The following DEPDC1B variants were observed in gnomAD, a reference collection of about 807,000 sequenced individuals.
The protein encoded by DEPDC1B is DEP domain containing 1B, also known as DEP domain-containing protein 1B.
Under a neutral mutation model 66.5 loss-of-function variants are expected in DEPDC1B, and 51 were observed. That is an observed-to-expected ratio of 0.77 (90% CI 0.61 to 0.97). DEPDC1B has a LOEUF of 0.97. Among genes scored for constraint, DEPDC1B ranks in the 50% least tolerant of loss-of-function variants. The probability of loss-of-function intolerance (pLI) is 0.00; values close to 1 mark genes in which losing one functional copy is unlikely to be tolerated. For missense variants in DEPDC1B, 552 were observed against 637.1 expected (o/e 0.87, Z 1.44); for synonymous variants, 226 against 223.6 (o/e 1.01, Z -0.10).
intron 2 of DEPDC1B, among the ~76,000 whole-genome samples, chr5:60,674,174 A>C (rs1225849428): frequency 6.6e-6 from 1 of 152,220 alleles, no homozygotes; most frequent in Non-Finnish European, 1.5e-5. Flanking sequence ...GTTTAAAACA[A>C]ATAAATATAA....
chr5:60,676,116 A>G (rs866034994), intron 2 of DEPDC1B, among the ~76,000 whole-genome samples: 12 of 151,322 alleles, frequency 7.9e-5, no homozygotes, highest in African/African-American at 2.7e-4. Flanking sequence ...ATTTTTAGTA[A>G]AGACGGGATT....
At chr5:60,676,238 T>TTC (rs1754157644) in intron 2 of DEPDC1B, among the ~76,000 whole-genome samples, 2 of 151,984 alleles carry the variant, frequency 1.3e-5, no homozygotes. Flanking sequence ...CCTTTTTTTT[T>TTC]TTTTTCTTCT....
At chr5:60,629,676 C>T (rs750352738) in intron 7 of DEPDC1B, among the ~76,000 whole-genome samples, 46 of 152,288 alleles carry the variant, frequency 3.0e-4, no homozygotes, top group African/African-American at 5.3e-4. Flanking sequence ...AACATCTATT[C>T]AGGTTCTTTG....
intron 7 of DEPDC1B, among the ~76,000 whole-genome samples, chr5:60,634,675 A>AAAAAAAAATAAAT (rs376885269): frequency 6.1e-5 from 9 of 146,458 alleles, no homozygotes; most frequent in Non-Finnish European, 1.4e-4. Flanking sequence ...CTGTCTCAAA[A>AAAAAAAAATAAAT]AAATAAATAA....
At chr5:60,636,025 T>G (rs1354458363) in intron 7 of DEPDC1B, among the ~76,000 whole-genome samples, 1 of 152,114 alleles carries the variant, frequency 6.6e-6, no homozygotes, top group Non-Finnish European at 1.5e-5. Flanking sequence ...TCTGCCTCCC[T>G]CCTTTCCTCA....
At chr5:60,616,407 G>A (rs189902492) in intron 7 of DEPDC1B, among the ~76,000 whole-genome samples, 23 of 152,114 alleles carry the variant, frequency 1.5e-4, no homozygotes, top group Admixed American at 7.9e-4. Flanking sequence ...AAAATCAGAC[G>A]AACGGCTAAC....
intron 7 of DEPDC1B, among the ~76,000 whole-genome samples, chr5:60,623,355 C>T (rs1243612438): frequency 3.3e-5 from 5 of 152,082 alleles, no homozygotes; most frequent in Admixed American, 2.6e-4. Flanking sequence ...GCCAACACCA[C>T]ACTAAATATC....
Position 60,598,055 on chromosome 5 carries a change from A to G in DEPDC1B, c.1429-141T>C. The G allele has an allele frequency of 5.8e-6, 4 of 687,598 alleles. 1 individual carries two copies. Among genetic ancestry groups the G allele is most frequent in the South Asian group, 4.8e-5 (2 of 41,282 alleles). The allele number at this position is 687,598 out of a possible 1,614,324, so 42.6% of individuals were successfully genotyped here. ...GTTAAAACATTTCATTCCAATTTCT[A>G]TAGAGCTAATCCATCTTTCCTTTGA... On this transcript the variant is annotated intron_variant, in intron 10 of 10. Coordinates refer to ENST00000265036, the MANE Select transcript of DEPDC1B (RefSeq NM_018369.3).
chr5:60,677,345 C>G (rs149438421), intron 2 of DEPDC1B, among the ~76,000 whole-genome samples: 52 of 151,074 alleles, frequency 3.4e-4, no homozygotes, highest in South Asian at 6.4e-4. Context: ...CTCTCTCTCT[C>G]TCTCTCTCTC....
At chr5:60,606,269 G>A (rs1298012635) in intron 7 of DEPDC1B, among the ~76,000 whole-genome samples, 1 of 152,094 alleles carries the variant, frequency 6.6e-6, no homozygotes, top group East Asian at 1.9e-4. Flanking sequence ...CTCATTATCA[G>A]CAGGCTCACC....
At chr5:60,634,338 G>A (rs543968235) in intron 7 of DEPDC1B, among the ~76,000 whole-genome samples, 62 of 152,214 alleles carry the variant, frequency 4.1e-4, no homozygotes, top group African/African-American at 1.4e-3. Context: ...ATCTGCAATC[G>A]TGAATCTTGG....
chr5:60,691,840 T>C (rs1754553101), intron 1 of DEPDC1B, among the ~76,000 whole-genome samples: 1 of 152,170 alleles, frequency 6.6e-6, no homozygotes, highest in South Asian at 2.1e-4. Context: ...TTTTGGGTAT[T>C]TGCCCAAAAC....
intron 7 of DEPDC1B, among the ~76,000 whole-genome samples, chr5:60,616,546 T>C (rs1222665039): frequency 6.6e-6 from 1 of 152,132 alleles, no homozygotes; most frequent in Non-Finnish European, 1.5e-5. Context: ...GTATCAGTGA[T>C]GGAAGATCAA....
At chr5:60,663,432 G>T (rs1005078731) in intron 2 of DEPDC1B, among the ~76,000 whole-genome samples, 4 of 152,166 alleles carry the variant, frequency 2.6e-5, no homozygotes, top group Non-Finnish European at 5.9e-5. Context: ...TTATCAATGA[G>T]GCCGTTGTCC....
intron 7 of DEPDC1B, among the ~76,000 whole-genome samples, chr5:60,627,983 T>C (rs1752840140): frequency 2.0e-5 from 3 of 152,156 alleles, no homozygotes; most frequent in African/African-American, 7.2e-5. Context: ...GATATTTTCA[T>C]TGGTGAAATA....
At position 60,597,895 on chromosome 5, in the gene DEPDC1B, T is replaced by C. The variant is rs1423332765; in HGVS notation, c.1448A>G (p.Glu483Gly). The change falls in exon 11 of 11, where the codon GAA becomes GGA. Residue 483 changes from glutamate (E) to glycine (G), a missense_variant. Transcript: ENST00000265036. ...TGTAGGAAATCGTTCTTGATAGACT[T>C]CAGGATAGGATTTCTGAAACTAAAA... is the stretch of plus-strand genomic sequence containing the variant. ...KLKQFQKSYP[E>G]VYQERFPTPE... 7 of 1,605,154 alleles carry C rather than the reference T, an allele frequency of 4.4e-6. No homozygotes were observed. Among genetic ancestry groups the C allele is most frequent in the Non-Finnish European group, 5.9e-6 (7 of 1,178,010 alleles).
rs564059015 is a variant in DEPDC1B, at chr5:60,667,911, AT to A, written c.314+19050del. Among the ~76,000 whole-genome samples, 298 of 86,304 alleles carry A rather than the reference AT, an allele frequency of 3.5e-3. 73 individuals are homozygous for A. The highest frequency in any genetic ancestry group is 0.01 in the African/African-American group (284 of 27,478). 56.6% of individuals were successfully genotyped at this position (86,304 alleles called of 152,430 possible). On this transcript the variant is annotated intron_variant, in intron 2 of 10. Transcript: ENST00000265036. ...TGTAAAAAATGGATATTTTATATAT[AT>A]AAAAAATGGATATTTTATATATATA...
chr5:60,695,969 T>C (rs1288969626), intron 1 of DEPDC1B, among the ~76,000 whole-genome samples: 1 of 152,122 alleles, frequency 6.6e-6, no homozygotes, highest in Admixed American at 6.5e-5. Flanking sequence ...CAGCTAATTT[T>C]TGTATTTTTA....
intron 7 of DEPDC1B, among the ~76,000 whole-genome samples, chr5:60,615,540 T>C (rs149241142): frequency 6.6e-6 from 1 of 152,222 alleles, no homozygotes; most frequent in Non-Finnish European, 1.5e-5. Flanking sequence ...CACGGAGCCT[T>C]GCTCATTGCT....
Sources: allele counts gnomAD v4.1 joint callset (sites outside exome capture counted in the v4.1 genomes callset), GRCh38; gene constraint gnomAD v4.1.1; transcripts MANE v1.5; gene names NCBI Gene and HGNC (gene_info 2026-07-23, HGNC 2026-07-21).